Variants in CDH23 observed in about 807,000 individuals in gnomAD.
CDH23 encodes the protein cadherin related 23.
In CDH23, 189 loss-of-function variants were observed where a neutral mutation model predicts 317.1. The observed-to-expected ratio is 0.60, with a 90% CI of 0.53 to 0.67. The LOEUF is 0.67. CDH23 is among the 30% of genes least tolerant of loss of function. The probability of loss-of-function intolerance (pLI) is 0.00; values close to 1 mark genes in which losing one functional copy is unlikely to be tolerated. For missense variants in CDH23, 4,401 were observed against 4,592.4 expected (o/e 0.96, Z 1.20); for synonymous variants, 1,839 against 1,876.8 (o/e 0.98, Z 0.52).
At chr10:71,410,952 C>A (rs1270710942) in intron 1 of CDH23, among the ~76,000 whole-genome samples, 1 of 152,124 alleles carries the variant, frequency 6.6e-6, no homozygotes, top group African/African-American at 2.4e-5. Flanking sequence ...TATGTGTGTC[C>A]TTTGGTGTAC....
rs375545532 is a variant in CDH23 at position 71,784,399 on chromosome 10, G to T, written c.5481G>T (p.Gly1827=). 105 of 1,613,560 alleles carry T rather than the reference G, an allele frequency of 6.5e-5. No homozygotes were observed. The highest frequency in any genetic ancestry group is 8.7e-5 in the Non-Finnish European group (103 of 1,179,688). Residue 1827 remains glycine (G), a synonymous_variant, in exon 42 of 70, where the codon GGG becomes GGT. Coordinates refer to ENST00000224721, the MANE Select transcript of CDH23 (RefSeq NM_022124.6). ...YNLTICARDR[G]MPPLSSTMLV... ...TGACCATCTGTGCCCGTGACCGGGGGATGCCCCCACTCAGCTCCACAGTGA... is the reference window on the plus strand; with the variant it reads ...TGACCATCTGTGCCCGTGACCGGGGTATGCCCCCACTCAGCTCCACAGTGA...
At chr10:71,603,422 G>A (rs1303296686) in intron 9 of CDH23, among the ~76,000 whole-genome samples, 1 of 151,610 alleles carries the variant, frequency 6.6e-6, no homozygotes, top group Non-Finnish European at 1.5e-5. Flanking sequence ...CAAGCCTCGG[G>A]TGAGTTATGT....
intron 7 of CDH23, among the ~76,000 whole-genome samples, chr10:71,567,973 G>C (rs1314156682): frequency 6.6e-6 from 1 of 152,204 alleles, no homozygotes; most frequent in Admixed American, 6.5e-5. Context: ...GGCAGCGCTG[G>C]GGGGCTCTCC....
intron 1 of CDH23, among the ~76,000 whole-genome samples, chr10:71,438,079 G>A (rs1190323118): frequency 4.6e-5 from 7 of 152,066 alleles, no homozygotes; most frequent in African/African-American, 1.4e-4. Context: ...GGTGGCTCAC[G>A]CCTGTAATCC....
intron 12 of CDH23, among the ~76,000 whole-genome samples, chr10:71,644,111 G>A (rs760750287): frequency 1.2e-4 from 18 of 152,256 alleles, no homozygotes; most frequent in Non-Finnish European, 2.2e-4. Flanking sequence ...CCTTCCATGT[G>A]ACGGGACGCA....
intron 6 of CDH23, among the ~76,000 whole-genome samples, chr10:71,550,006 G>A (rs1051572875): frequency 3.9e-5 from 6 of 152,092 alleles, no homozygotes; most frequent in Admixed American, 2.0e-4. Context: ...GGATATTAAC[G>A]GGCTTCCCGC....
chr10:71,705,512 T>C (rs1000204463), intron 25 of CDH23, among the ~76,000 whole-genome samples: 3 of 152,142 alleles, frequency 2.0e-5, no homozygotes, highest in African/African-American at 7.2e-5. Flanking sequence ...GCCAGAGTTT[T>C]TGTTTGGGAG....
At chr10:71,647,999 C>T (rs1862975306) in intron 14 of CDH23, 1 of 152,236 alleles carries the variant, frequency 6.6e-6, no homozygotes, top group Non-Finnish European at 1.5e-5. Flanking sequence ...GATACCAAGA[C>T]CCCGCTCCGA....
intron 53 of CDH23, 108 bp downstream of exon 53, chr10:71,800,863 G>A: frequency 6.8e-7 from 1 of 1,463,704 alleles, no homozygotes; most frequent in Non-Finnish European, 9.2e-7. Context: ...GAGCCCCCCG[G>A]TCCCCTTTGA....
At chr10:71,473,911 C>A (rs990818123) in intron 3 of CDH23, among the ~76,000 whole-genome samples, 3 of 152,194 alleles carry the variant, frequency 2.0e-5, no homozygotes, top group Non-Finnish European at 4.4e-5. Flanking sequence ...CAGTCGTTAG[C>A]CCAGCTGACA....
chr10:71,680,817 T>C lies in CDH23; in HGVS notation c.1858+1325T>C, dbSNP rs1240724030. ...CTACATCCCTCTGTCTTTCTTTTTTTTTTTTCTTTTTCTTTTTTTTTTTTT... is the reference window on the plus strand; with the variant it reads ...CTACATCCCTCTGTCTTTCTTTTTTCTTTTTCTTTTTCTTTTTTTTTTTTT... On this transcript the variant is annotated intron_variant, in intron 17 of 69. Transcript: ENST00000224721. Among the ~76,000 whole-genome samples, 2 of 134,212 alleles carry C rather than the reference T, an allele frequency of 1.5e-5. 1 individual carries two copies. The highest frequency in any genetic ancestry group is 1.7e-4 in the Admixed American group (2 of 11,816). The allele number at this position is 134,212 out of a possible 152,430, so 88.0% of individuals were successfully genotyped here.
At chr10:71,605,252 T>TAA (rs1554844653) in intron 9 of CDH23, among the ~76,000 whole-genome samples, 1 of 146,614 alleles carries the variant, frequency 6.8e-6, no homozygotes, top group East Asian at 2.0e-4. Flanking sequence ...CTTTTTTTTT[T>TAA]AAAAAAAAAA....
At chr10:71,546,685 A>G (rs1485411081) in intron 6 of CDH23, among the ~76,000 whole-genome samples, 2 of 152,206 alleles carry the variant, frequency 1.3e-5, no homozygotes, top group Non-Finnish European at 2.9e-5. Context: ...AATGTTCCAG[A>G]CAGACAGAAC....
At chr10:71,734,099 A>G (rs1839480544) in intron 32 of CDH23, 141 bp from the exon 33 acceptor site, 7 of 719,098 alleles carry the variant, frequency 9.7e-6, no homozygotes. Flanking sequence ...GTGAGAGAGA[A>G]GAAGGAATTC....
intron 11 of CDH23, among the ~76,000 whole-genome samples, chr10:71,618,597 T>C (rs139429717): frequency 2.6e-5 from 4 of 152,208 alleles, no homozygotes; most frequent in African/African-American, 4.8e-5. Context: ...GATTACTCCT[T>C]GCGTGGGGCT....
intron 9 of CDH23, among the ~76,000 whole-genome samples, chr10:71,612,859 ATTTG>A (rs937924217): frequency 2.0e-5 from 3 of 152,134 alleles, no homozygotes; most frequent in African/African-American, 7.2e-5. Context: ...ATGTATCGCC[ATTTG>A]TTTTTGAGAC....
intron 11 of CDH23, among the ~76,000 whole-genome samples, chr10:71,624,073 C>T (rs971906039): frequency 1.3e-5 from 2 of 152,218 alleles, no homozygotes; most frequent in African/African-American, 4.8e-5. Flanking sequence ...TTCTCTTCAT[C>T]CAAGAGGACA....
chr10:71,526,748 G>A (rs1855062429), intron 6 of CDH23, among the ~76,000 whole-genome samples: 1 of 152,158 alleles, frequency 6.6e-6, no homozygotes, highest in Admixed American at 6.5e-5. Flanking sequence ...GCGTCACTCG[G>A]GTGCTTTTTA....
At chr10:71,670,309 G>A (rs7079221) in intron 14 of CDH23, among the ~76,000 whole-genome samples, 2,472 of 152,356 alleles carry the variant, frequency 0.016, 72 homozygotes, top group African/African-American at 0.057. Flanking sequence ...GTGGCTGGCA[G>A]TGGAAATCAC....
Sources: allele counts gnomAD v4.1 joint callset (sites outside exome capture counted in the v4.1 genomes callset), GRCh38; gene constraint gnomAD v4.1.1; transcripts MANE v1.5; gene names NCBI Gene and HGNC (gene_info 2026-07-23, HGNC 2026-07-21).